Variants in CELF2 observed in about 807,000 individuals in gnomAD.
CELF2 encodes the protein CUGBP Elav-like family member 2.
A neutral mutation model predicts 62.6 loss-of-function variants in CELF2; 8 were observed. The observed-to-expected ratio is 0.13, with a 90% CI of 0.07 to 0.23. The LOEUF is 0.23. Among genes scored for constraint, CELF2 ranks in the 10% least tolerant of loss-of-function variants. The pLI, the probability that CELF2 is intolerant of heterozygous loss-of-function variation, is 1.00. For synonymous variants in CELF2, 258 were observed against 250.0 expected, an observed-to-expected ratio of 1.03 and a Z score of -0.30; for missense variants, 333 against 671.0, an observed-to-expected ratio of 0.50 and a Z score of 5.56.
At chr10:10,956,417 T>G (rs1368564856) in intron 2 of CELF2, among the ~76,000 whole-genome samples, 1 of 152,172 alleles carries the variant, frequency 6.6e-6, no homozygotes, top group African/African-American at 2.4e-5. Context: ...AGCAGTTATT[T>G]TATCCTGGGT....
At chr10:10,527,724 C>A in the CELF2 span, among the ~76,000 whole-genome samples, 3 of 152,142 alleles carry the variant, frequency 2.0e-5, no homozygotes, top group Non-Finnish European at 2.9e-5. Flanking sequence ...GACAACAGTT[C>A]TTTATGCGGA....
chr10:11,090,861 CAT>C (rs770599657), intron 1 of CELF2, among the ~76,000 whole-genome samples: 7 of 152,156 alleles, frequency 4.6e-5, no homozygotes, highest in Non-Finnish European at 5.9e-5. Flanking sequence ...AGTTAAAAAT[CAT>C]ATGTGCATAT....
At chr10:10,608,991 T>C in the CELF2 span, among the ~76,000 whole-genome samples, 6 of 152,310 alleles carry the variant, frequency 3.9e-5, no homozygotes, top group South Asian at 6.2e-4. Context: ...TTGAGAACAC[T>C]GGCCTCCGTG....
At chr10:10,659,853 G>A in the CELF2 span, among the ~76,000 whole-genome samples, 1 of 152,212 alleles carries the variant, frequency 6.6e-6, no homozygotes, top group African/African-American at 2.4e-5. Context: ...TAGCAGGGTT[G>A]ATTAAGGATC....
rs563197455 is a variant in CELF2 at position 11,253,670 on chromosome 10, A to G, written c.404-4068A>G. The stretch of plus-strand genomic sequence containing the variant: ...TTACAATTAGAGATTTTTTTTTTAA[A>G]TGAAGTTTCTATTCCCCTAACTTAA... On this transcript the variant is annotated intron_variant, in intron 4 of 12. Transcript: ENST00000633077. Among the ~76,000 whole-genome samples, 7 of 152,238 alleles carry G rather than the reference A, an allele frequency of 4.6e-5. No individual in the cohort carries two copies. The South Asian group carries it at 1.5e-3, about 32-fold the overall frequency.
rs964569249 is a variant in CELF2 at position 11,191,538 on chromosome 10, A to G, written c.271+25856A>G. Among the ~76,000 whole-genome samples, 3 of 152,138 alleles carry G rather than the reference A, an allele frequency of 2.0e-5. No individual in the cohort carries two copies. Among genetic ancestry groups the G allele is most frequent in the Non-Finnish European group, 4.4e-5 (3 of 68,026 alleles). On this transcript the variant is annotated intron_variant, in intron 2 of 12. Transcript: ENST00000633077. The surrounding 1 kb of genome is among the most constrained non-coding windows in gnomAD (Gnocchi z 4.1). ...GGAAAGTGACCTATCAAGGGGGCAT[A>G]CAACAGGGACACCACCTTGAAATCT...
At chr10:10,779,313 C>T in the CELF2 span, among the ~76,000 whole-genome samples, 2 of 152,190 alleles carry the variant, frequency 1.3e-5, no homozygotes, top group Non-Finnish European at 2.9e-5. Context: ...TCACTTAATG[C>T]AACATATGGT....
chr10:10,542,740 C>G, the CELF2 span, among the ~76,000 whole-genome samples: 3 of 152,134 alleles, frequency 2.0e-5, no homozygotes, highest in African/African-American at 7.2e-5. Context: ...ATTGACCAAG[C>G]CCTAGCCATT....
chr10:11,065,633 T>C (rs367641388), intron 1 of CELF2, among the ~76,000 whole-genome samples: 112 of 152,334 alleles, frequency 7.4e-4, no homozygotes, highest in African/African-American at 2.5e-3. Context: ...ATCTAAAATA[T>C]GAAGTTCAGA....
At chr10:10,650,818 C>A in the CELF2 span, among the ~76,000 whole-genome samples, 3 of 152,186 alleles carry the variant, frequency 2.0e-5, no homozygotes, top group African/African-American at 7.2e-5. Context: ...CCAGCGATTC[C>A]ACTCCTAGGT....
At chr10:11,009,015 G>GT (rs2055892257) in intron 1 of CELF2, among the ~76,000 whole-genome samples, 1 of 140,446 alleles carries the variant, frequency 7.1e-6, no homozygotes, top group Non-Finnish European at 1.6e-5. Flanking sequence ...CGGGGGGGGG[G>GT]GGGGAGCATT....
the CELF2 span, among the ~76,000 whole-genome samples, chr10:10,547,806 T>G: frequency 6.6e-6 from 1 of 151,986 alleles, no homozygotes. Context: ...ATCGGGCTGG[T>G]TTTTATTCTC....
intron 1 of CELF2, among the ~76,000 whole-genome samples, chr10:10,908,295 C>T (rs1253954970): frequency 7.5e-6 from 1 of 133,818 alleles, no homozygotes; most frequent in Non-Finnish European, 1.5e-5. Context: ...TCTTGGCTCA[C>T]TGCAAGCTCC....
chr10:11,242,545 G>A lies in CELF2; in HGVS notation c.355-6608G>A, dbSNP rs943419611. Among the ~76,000 whole-genome samples, 8 of 152,196 alleles carry A rather than the reference G, an allele frequency of 5.3e-5. No individual in the cohort carries two copies. The highest frequency in any genetic ancestry group is 1.2e-4 in the Non-Finnish European group (8 of 68,028). On this transcript the variant is annotated intron_variant, in intron 3 of 12. Coordinates refer to ENST00000633077, the MANE Select transcript of CELF2 (RefSeq NM_001326342.2). The surrounding 1 kb of genome is among the most constrained non-coding windows in gnomAD (Gnocchi z 4.8). Reference sequence around the variant, plus strand: ...GCTGCTCCGTGGCCAGCTTCACGGCGGCACCAGGTGGTGACAGCTGTTGGC... The same window carrying A: ...GCTGCTCCGTGGCCAGCTTCACGGCAGCACCAGGTGGTGACAGCTGTTGGC...
At chr10:11,263,665 G>A (rs1250418294) in intron 5 of CELF2, among the ~76,000 whole-genome samples, 2 of 152,190 alleles carry the variant, frequency 1.3e-5, no homozygotes, top group Admixed American at 6.5e-5. Context: ...AAGCCTTCTG[G>A]TTGGCTTGAG....
intron 2 of CELF2, among the ~76,000 whole-genome samples, chr10:11,176,606 T>C (rs148787063): frequency 3.9e-5 from 6 of 152,308 alleles, no homozygotes; most frequent in African/African-American, 1.2e-4. Flanking sequence ...TGAATGTAAG[T>C]TGCCTAGGAC....
the CELF2 span, among the ~76,000 whole-genome samples, chr10:10,521,537 TTTTAA>T: frequency 1.5e-3 from 233 of 152,330 alleles, 1 homozygote; most frequent in Non-Finnish European, 2.3e-3. Context: ...TTTAATGCAT[TTTTAA>T]TTTAATTTTC....
At chr10:11,258,711 TTC>T (rs1215972186) in intron 5 of CELF2, among the ~76,000 whole-genome samples, 1 of 152,204 alleles carries the variant, frequency 6.6e-6, no homozygotes, top group Non-Finnish European at 1.5e-5. Flanking sequence ...TGTTTTTCAC[TTC>T]TTTTTGCTCT....
intron 1 of CELF2, among the ~76,000 whole-genome samples, chr10:10,810,617 A>T (rs2055766617): frequency 6.6e-6 from 1 of 152,178 alleles, no homozygotes; most frequent in South Asian, 2.1e-4. Context: ...TAAGGGGCTC[A>T]TATCAAAGAA....
Sources: gnomAD v4.1 joint callset for allele counts (sites outside exome capture counted in the v4.1 genomes callset) on GRCh38, gnomAD v4.1.1 for gene constraint, Gnocchi (gnomAD v3.1) non-coding constraint, MANE v1.5 for transcripts, NCBI Gene and HGNC (gene_info 2026-07-23, HGNC 2026-07-21) for gene names.